The following SLC4A4 variants were observed in gnomAD, a reference collection of about 807,000 sequenced individuals.
SLC4A4 encodes electrogenic sodium bicarbonate cotransporter 1.
In SLC4A4, 27 loss-of-function variants were observed where a neutral mutation model predicts 111.5. That is an observed-to-expected ratio of 0.24 (90% confidence interval 0.18 to 0.33). The LOEUF is 0.33. Ranked by LOEUF, SLC4A4 falls within the 10% of genes least tolerant of loss-of-function variation. The pLI is 1.00. For missense variants in SLC4A4, 909 were observed against 1,315.5 expected (o/e 0.69, Z 4.78); for synonymous variants, 443 against 463.4 (o/e 0.96, Z 0.57).
At chr4:71,144,776 G>T (rs942271957) in intron 2 of SLC4A4, among the ~76,000 whole-genome samples, 1 of 152,172 alleles carries the variant, frequency 6.6e-6, no homozygotes, top group African/African-American at 2.4e-5. Context: ...AAGAATGCTT[G>T]TGATTTTTGC....
At chr4:71,408,154 A>G (rs1328375126) in intron 7 of SLC4A4, among the ~76,000 whole-genome samples, 1 of 152,192 alleles carries the variant, frequency 6.6e-6, no homozygotes, top group African/African-American at 2.4e-5. Flanking sequence ...GACCTTCACC[A>G]ATGACATCCA....
intron 8 of SLC4A4, among the ~76,000 whole-genome samples, chr4:71,443,144 A>ATATATG (rs1724913865): frequency 7.3e-5 from 10 of 136,548 alleles, no homozygotes; most frequent in Admixed American, 5.2e-4. Context: ...ATATATATAT[A>ATATATG]TATATATAAA....
At chr4:71,286,105 T>G (rs1283005639) in intron 3 of SLC4A4, among the ~76,000 whole-genome samples, 1 of 152,094 alleles carries the variant, frequency 6.6e-6, no homozygotes, top group Non-Finnish European at 1.5e-5. Context: ...ACAGGCATGG[T>G]GGCGGGCGCC....
intron 1 of SLC4A4, among the ~76,000 whole-genome samples, chr4:71,090,054 C>T (rs1483900466): frequency 3.3e-5 from 5 of 151,928 alleles, no homozygotes; most frequent in Non-Finnish European, 5.9e-5. Context: ...CCAGTTCGAG[C>T]TTCCTCGCCA....
At position 71,233,221 on chromosome 4, in the gene SLC4A4, T is replaced by C. The variant is rs951097800; in HGVS notation, c.-1-3355T>C. On this transcript the variant is annotated intron_variant, in intron 1 of 25. Transcript: ENST00000264485. The stretch of plus-strand genomic sequence containing the variant: ...TTGGCTTGTGCCTGCAACATAGTAG[T>C]AGCATCCAGTAAATATTTACTGAAT... 7.3e-6 allele frequency: 7 copies of C among 960,846 alleles called. No individual in the cohort carries two copies. The African/African-American group carries it at 1.1e-4, about 15-fold the overall frequency. 59.5% of individuals were successfully genotyped at this position (960,846 alleles called of 1,614,324 possible). A position where few individuals can be genotyped will look rare whatever the true frequency, so the allele number is the denominator to read the frequency against.
chr4:71,567,650 T>A (rs1422976368), intron 25 of SLC4A4, 138 bp from the exon 26 acceptor site: 6 of 495,830 alleles, frequency 1.2e-5, no homozygotes, highest in Admixed American at 4.2e-5. Context: ...AATGTTTGTT[T>A]TTAATACACA....
At chr4:71,343,957 C>A (rs1295362350) in intron 4 of SLC4A4, among the ~76,000 whole-genome samples, 2 of 152,164 alleles carry the variant, frequency 1.3e-5, no homozygotes, top group African/African-American at 4.8e-5. Flanking sequence ...GTCCTCATCT[C>A]CTTCAGGTCT....
intron 2 of SLC4A4, among the ~76,000 whole-genome samples, chr4:71,125,528 C>T (rs183769921): frequency 3.3e-5 from 5 of 152,318 alleles, no homozygotes; most frequent in Non-Finnish European, 5.9e-5. Flanking sequence ...CCACAGCCCT[C>T]CAGCCTGGGC....
intron 1 of SLC4A4, among the ~76,000 whole-genome samples, chr4:71,087,554 T>A (rs1229966651): frequency 6.6e-6 from 1 of 152,078 alleles, no homozygotes; most frequent in Non-Finnish European, 1.5e-5. Flanking sequence ...TGCTATAAAT[T>A]TCCCCCTACA....
In SLC4A4 at chr4:71,555,149, A is replaced by C; in HGVS notation, c.2704A>C (p.Met902Leu). 1 of 1,608,580 alleles carries C rather than the reference A, an allele frequency of 6.2e-7. No individual in the cohort carries two copies. Among genetic ancestry groups the C allele is most frequent in the Non-Finnish European group, 8.5e-7 (1 of 1,175,776 alleles). The part of the protein sequence containing the change: ...FMAPILKFIP[M>L]PVLYGVFLYM... ...ATTTTTTTCCTTCTAGTTTATACCC[A>C]TGCCTGTACTCTATGGTGTGTTCCT... is the stretch of plus-strand genomic sequence containing the variant. The change falls in exon 21 of 26, where the codon ATG (methionine) becomes CTG (leucine). Residue 902 changes from methionine to leucine, a missense_variant. Met to Leu is a conservative substitution (Grantham distance 15). Coordinates refer to ENST00000264485, the MANE Select transcript of SLC4A4 (RefSeq NM_001098484.3).
At chr4:71,388,835 G>A (rs938602969) in intron 6 of SLC4A4, among the ~76,000 whole-genome samples, 6 of 152,172 alleles carry the variant, frequency 3.9e-5, no homozygotes, top group African/African-American at 7.2e-5. Context: ...ACAGGCATGA[G>A]CCACCATGCC....
At chr4:71,558,621 G>C (rs1290159354) in intron 22 of SLC4A4, among the ~76,000 whole-genome samples, 2 of 151,804 alleles carry the variant, frequency 1.3e-5, no homozygotes, top group Non-Finnish European at 2.9e-5. Flanking sequence ...GTCACAAAGG[G>C]AGCCTCAAAT....
At chr4:71,386,780 G>C (rs191023771) in intron 6 of SLC4A4, among the ~76,000 whole-genome samples, 1 of 151,692 alleles carries the variant, frequency 6.6e-6, no homozygotes, top group East Asian at 1.9e-4. Context: ...TTCTTTTTTG[G>C]AATTCTTTTG....
intron 20 of SLC4A4, among the ~76,000 whole-genome samples, chr4:71,552,921 C>T (rs893621980): frequency 2.0e-5 from 3 of 151,724 alleles, no homozygotes; most frequent in African/African-American, 4.8e-5. Context: ...CTCTTTCCTC[C>T]TTTGAGAAAT....
Position 71,521,354 on chromosome 4 carries a change from C to T in SLC4A4, c.2167-10708C>T, listed in dbSNP as rs527967494. ...TCAAGCGATCCTCTCTCCTGTCTTC[C>T]GAGTAGCTGGAACTACAGTCACACT... is the stretch of plus-strand genomic sequence containing the variant. On this transcript the variant is annotated intron_variant, in intron 16 of 25. Transcript: ENST00000264485. Among the ~76,000 whole-genome samples the T allele has an allele frequency of 9.2e-5, 14 of 152,154 alleles. No individual in the cohort carries two copies. In the South Asian group the frequency reaches 2.9e-3, roughly 32 times the overall value.
chr4:71,256,232 C>CT (rs1721443030), intron 3 of SLC4A4, among the ~76,000 whole-genome samples: 1 of 152,128 alleles, frequency 6.6e-6, no homozygotes, highest in Non-Finnish European at 1.5e-5. Context: ...TTCTTCATGT[C>CT]TTTGCTACAG....
intron 2 of SLC4A4, among the ~76,000 whole-genome samples, chr4:71,174,604 T>C (rs1446907009): frequency 6.6e-6 from 1 of 152,170 alleles, no homozygotes; most frequent in African/African-American, 2.4e-5. Context: ...AAATCTAAAT[T>C]ATGCAAAGGA....
At chr4:71,186,377 A>AAG (rs1054554254), upstream of SLC4A4, among the ~76,000 whole-genome samples, 7 of 152,330 alleles carry the variant, frequency 4.6e-5, no homozygotes, top group African/African-American at 1.4e-4. Flanking sequence ...AAGTAGAGTC[A>AAG]AGAGTGATCT....
At chr4:71,274,330 A>C (rs1366682873) in intron 3 of SLC4A4, among the ~76,000 whole-genome samples, 1 of 152,144 alleles carries the variant, frequency 6.6e-6, no homozygotes, top group African/African-American at 2.4e-5. Context: ...CAGGGGTGAC[A>C]GAGGAAGAAG....
Sources: gnomAD v4.1 joint callset for allele counts (sites outside exome capture counted in the v4.1 genomes callset) on GRCh38, gnomAD v4.1.1 for gene constraint, MANE v1.5 for transcripts, NCBI Gene and HGNC (gene_info 2026-07-23, HGNC 2026-07-21) for gene names.